The following TOPBP1 variants were observed in gnomAD, a reference collection of about 807,000 sequenced individuals.
TOPBP1 encodes the protein DNA topoisomerase II binding protein 1, also known as DNA topoisomerase 2-binding protein 1.
A neutral mutation model predicts 167.7 loss-of-function variants in TOPBP1; 28 were observed. The ratio of observed to expected loss-of-function variants is 0.17; its 90% CI spans 0.12 to 0.23. The LOEUF (loss-of-function observed/expected upper bound fraction) is 0.23, where lower values mean the gene tolerates loss of function less well. Among genes scored for constraint, TOPBP1 ranks in the 10% least tolerant of loss-of-function variants. The probability of loss-of-function intolerance (pLI) is 1.00; values close to 1 mark genes in which losing one functional copy is unlikely to be tolerated. For missense variants in TOPBP1, 1,554 were observed against 1,809.6 expected (o/e 0.86, Z 2.56); for synonymous variants, 598 against 611.4 (o/e 0.98, Z 0.32).
In TOPBP1 at chr3:133,601,138, C is replaced by A; in HGVS notation, c.*112G>T. ...GAAGGGTCATCATTATACTCTGAAGCAGAATTCTTCAGGTACTCATCTTTA... is the reference window on the plus strand; with the variant it reads ...GAAGGGTCATCATTATACTCTGAAGAAGAATTCTTCAGGTACTCATCTTTA... On this transcript the variant is annotated 3_prime_UTR_variant, in exon 28 of 28. Coordinates refer to ENST00000260810, the MANE Select transcript of TOPBP1 (RefSeq NM_007027.4). 1 of 865,824 alleles carries A rather than the reference C, an allele frequency of 1.2e-6. No individual in the cohort carries two copies. 53.6% of individuals were successfully genotyped at this position (865,824 alleles called of 1,614,324 possible).
chr3:133,607,822 T>C (rs533372361), intron 27 of TOPBP1, among the ~76,000 whole-genome samples: 2 of 152,364 alleles, frequency 1.3e-5, no homozygotes, highest in South Asian at 2.1e-4. Context: ...CTAATCAGTA[T>C]GCCCTCTGCT....
intron 16 of TOPBP1, 115 bp from the exon 17 acceptor site, chr3:133,624,290 G>C (rs1935197073): frequency 1.7e-6 from 2 of 1,153,688 alleles, no homozygotes; most frequent in Non-Finnish European, 1.2e-6. Flanking sequence ...TTTCGGACTA[G>C]AGTAAACAAG....
intron 6 of TOPBP1, among the ~76,000 whole-genome samples, chr3:133,654,938 G>A (rs867318554): frequency 1.4e-4 from 21 of 152,242 alleles, no homozygotes; most frequent in Middle Eastern, 3.4e-3. Context: ...GGCTGGGCAC[G>A]GTGGCTCATG....
At chr3:133,612,664 T>A in intron 23 of TOPBP1, 112 bp from the exon 24 acceptor site, 1 of 999,166 alleles carries the variant, frequency 1.0e-6, no homozygotes, top group Non-Finnish European at 1.4e-6. Flanking sequence ...CCCAAACCAT[T>A]TAAACCAAAA....
Position 133,627,273 on chromosome 3 carries a change from A to G in TOPBP1, c.2804+1089T>C, listed in dbSNP as rs918111643. Among the ~76,000 whole-genome samples the G allele has an allele frequency of 2.0e-5, 3 of 152,208 alleles. No homozygotes were observed. The South Asian group carries it at 6.2e-4, about 31-fold the overall frequency. ...CTATATGTTCCCTTGAAAGTCTTAT[A>G]TCATGTCTACATCAAAACAGAATAA... is the stretch of plus-strand genomic sequence containing the variant. On this transcript the variant is annotated intron_variant, in intron 16 of 27. Transcript: ENST00000260810.
chr3:133,653,303 G>T, intron 7 of TOPBP1, 42 bp downstream of exon 7: 1 of 1,486,450 alleles, frequency 6.7e-7, no homozygotes. Context: ...ATAGAAATAT[G>T]ACTGTCTTCA....
rs774499914 is a variant in TOPBP1 at position 133,658,996 on chromosome 3, C to A, written c.219+20G>T. On this transcript the variant is annotated intron_variant, in intron 3 of 27. Coordinates refer to ENST00000260810, the MANE Select transcript of TOPBP1 (RefSeq NM_007027.4). ...ACCAAAAAATAGACTACCAAAGGTA[C>A]ACACTAGAAGTCAGCAAACCTTTTT... 3.8e-6 allele frequency: 6 copies of A among 1,577,954 alleles called. No individual in the cohort carries two copies. Among genetic ancestry groups the A allele is most frequent in the Admixed American group, 3.8e-5 (2 of 51,956 alleles).
At chr3:133,607,092 C>G (rs1191702245) in intron 27 of TOPBP1, among the ~76,000 whole-genome samples, 1 of 152,100 alleles carries the variant, frequency 6.6e-6, no homozygotes, top group African/African-American at 2.4e-5. Context: ...ACTGCCAACA[C>G]TAAATGTTGG....
At chr3:133,632,142 C>T (rs544736546) in intron 14 of TOPBP1, among the ~76,000 whole-genome samples, 5 of 151,988 alleles carry the variant, frequency 3.3e-5, no homozygotes, top group South Asian at 2.1e-4. Flanking sequence ...TGGTGGCTCG[C>T]GCCTGTAATC....
chr3:133,617,113 A>G (rs1934918505), intron 22 of TOPBP1, 47 bp downstream of exon 22: 1 of 1,545,766 alleles, frequency 6.5e-7, no homozygotes, highest in East Asian at 2.3e-5. Context: ...AATACAGCCT[A>G]ACAGCAGTAT....
Position 133,616,926 on chromosome 3 carries a change from C to A in TOPBP1, c.3760-1G>T. 1 of 1,484,392 alleles carries A rather than the reference C, an allele frequency of 6.7e-7. No homozygotes were observed. Among genetic ancestry groups the A allele is most frequent in the Non-Finnish European group, 9.0e-7 (1 of 1,115,578 alleles). 92.0% of individuals were successfully genotyped at this position (1,484,392 alleles called of 1,614,324 possible). A position where few individuals can be genotyped will look rare whatever the true frequency, so the allele number is the denominator to read the frequency against. On this transcript the variant is annotated splice_acceptor_variant, in intron 22 of 27. Transcript: ENST00000260810. LOFTEE classifies it high-confidence loss of function. ...CATGAGTCTCCTCTATCGTTATAATCTGGAATGAAAGTTTTACTTTAGAAA... is the reference window on the plus strand; with the variant it reads ...CATGAGTCTCCTCTATCGTTATAATATGGAATGAAAGTTTTACTTTAGAAA...
At position 133,612,372 on chromosome 3, in the gene TOPBP1, CA is replaced by C; in HGVS notation, c.4035+16del. ...GCTTTTAAAGAAAAATAAACTTCCA[CA>C]AATCTGAATACACACCTGCACGAAG... On this transcript the variant is annotated intron_variant, in intron 24 of 27. Transcript: ENST00000260810. 1 of 1,612,632 alleles carries C rather than the reference CA, an allele frequency of 6.2e-7. No homozygotes were observed. The highest frequency in any genetic ancestry group is 2.2e-5 in the East Asian group (1 of 44,860).
At chr3:133,643,694 TA>T (rs879459806) in intron 11 of TOPBP1, among the ~76,000 whole-genome samples, 5,657 of 145,204 alleles carry the variant, frequency 0.039, 155 homozygotes, top group African/African-American at 0.087. Flanking sequence ...CTTGGAATGT[TA>T]AAAAAAAAAA....
intron 11 of TOPBP1, 50 bp from the exon 12 acceptor site, chr3:133,643,422 T>C: frequency 6.8e-7 from 1 of 1,460,168 alleles, no homozygotes; most frequent in Non-Finnish European, 9.2e-7. Context: ...AAGCAACCAG[T>C]GGTTAACACT....
rs1209969860 is a variant in TOPBP1, at chr3:133,640,176, A to G, written c.2022-6T>C. On this transcript the variant is annotated splice_polypyrimidine_tract_variant and splice_region_variant and intron_variant, in intron 12 of 27. Transcript: ENST00000260810. ...GAACAAAGTATTCTTGAACACTGAA[A>G]TTTATGTTTAAAGAAGTGGAAATGG... 2.5e-6 allele frequency: 4 copies of G among 1,608,068 alleles called. No homozygotes were observed. The highest frequency in any genetic ancestry group is 3.4e-6 in the Non-Finnish European group (4 of 1,176,564).
chr3:133,618,514 T>C, intron 20 of TOPBP1, 81 bp from the exon 21 acceptor site: 1 of 1,379,498 alleles, frequency 7.2e-7, no homozygotes, highest in Non-Finnish European at 1.0e-6. Context: ...ACCATAAAAG[T>C]TGTGGCTCAC....
chr3:133,609,359 A>T (rs1040207783), intron 25 of TOPBP1, among the ~76,000 whole-genome samples: 1 of 152,208 alleles, frequency 6.6e-6, no homozygotes, highest in Non-Finnish European at 1.5e-5. Context: ...TTAGGAAGGG[A>T]ATAACAACTA....
chr3:133,631,879 C>A (rs916535966), intron 14 of TOPBP1, among the ~76,000 whole-genome samples: 1 of 151,858 alleles, frequency 6.6e-6, no homozygotes, highest in African/African-American at 2.4e-5. Context: ...CTCAGGTGAT[C>A]CACCCACCTT....
intron 3 of TOPBP1, 69 bp downstream of exon 3, chr3:133,658,947 G>A (rs933771417): frequency 2.7e-6 from 4 of 1,471,614 alleles, no homozygotes; most frequent in Admixed American, 5.2e-5. Flanking sequence ...CGCAAAGAAT[G>A]TATGTCCATT....
Sources: gnomAD v4.1 joint callset for allele counts (sites outside exome capture counted in the v4.1 genomes callset) on GRCh38, gnomAD v4.1.1 for gene constraint, MANE v1.5 for transcripts, NCBI Gene and HGNC (gene_info 2026-07-23, HGNC 2026-07-21) for gene names.